The following ETV5 variants were observed in gnomAD, a reference collection of about 807,000 sequenced individuals.
ETV5 encodes ETS variant transcription factor 5, also known as ETS translocation variant 5.
A neutral mutation model predicts 70.0 loss-of-function variants in ETV5; 10 were observed. That is an observed-to-expected ratio of 0.14 (90% CI 0.09 to 0.24). The LOEUF (loss-of-function observed/expected upper bound fraction) is 0.24, where lower values mean the gene tolerates loss of function less well. Ranked by LOEUF, ETV5 falls within the 10% of genes least tolerant of loss-of-function variation. The pLI, the probability that ETV5 is intolerant of heterozygous loss-of-function variation, is 1.00. For synonymous variants in ETV5, 216 were observed against 242.2 expected (o/e 0.89, Z 1.01); for missense variants, 453 against 651.2 (o/e 0.70, Z 3.31).
rs1713897044 is a variant in ETV5 at position 186,080,141 on chromosome 3, A to G, written c.363-37T>C. ...AAAAGAGAAGGAACCATTAAGCTGAAATGAAGCCATTAGCATGGTTACCAG... is the reference window on the plus strand; with the variant it reads ...AAAAGAGAAGGAACCATTAAGCTGAGATGAAGCCATTAGCATGGTTACCAG... On this transcript the variant is annotated intron_variant, in intron 6 of 12. Transcript: ENST00000306376. 2.8e-6 allele frequency: 4 copies of G among 1,446,228 alleles called. No individual in the cohort carries two copies. The East Asian group carries it at 1.1e-4, about 38-fold the overall frequency. The allele number at this position is 1,446,228 out of a possible 1,614,324, so 89.6% of individuals were successfully genotyped here. A position where few individuals can be genotyped will look rare whatever the true frequency, so the allele number is the denominator to read the frequency against.
intron 9 of ETV5, among the ~76,000 whole-genome samples, chr3:186,062,325 C>T (rs979148948): frequency 1.3e-5 from 2 of 152,336 alleles, no homozygotes; most frequent in East Asian, 3.9e-4. Flanking sequence ...CATCTTTTCT[C>T]CTTTCTGAGT....
chr3:186,107,762 T>C (rs925266718), intron 1 of ETV5, among the ~76,000 whole-genome samples: 2 of 151,960 alleles, frequency 1.3e-5, no homozygotes, highest in East Asian at 3.9e-4. Context: ...GGCCCGGTTT[T>C]ATGAATGGGA....
At chr3:186,100,582 T>C (rs1052422876) in intron 5 of ETV5, among the ~76,000 whole-genome samples, 6 of 152,230 alleles carry the variant, frequency 3.9e-5, no homozygotes, top group African/African-American at 1.4e-4. Context: ...GTTAATCCTA[T>C]TTCCCCAGCC....
Position 186,101,950 on chromosome 3 carries a change from G to T in ETV5, c.232+3355C>A, listed in dbSNP as rs190546115. On this transcript the variant is annotated intron_variant, in intron 5 of 12. Transcript: ENST00000306376. Reference sequence around the variant, plus strand: ...TATAGATTTCTATTCCCTTGAATTTGACCTTTCAGAGTCTCCATGCTTTAC... The same window carrying T: ...TATAGATTTCTATTCCCTTGAATTTTACCTTTCAGAGTCTCCATGCTTTAC... 9.2e-5 allele frequency among the ~76,000 whole-genome samples: 14 copies of T among 152,308 alleles called. No homozygotes were observed. In the South Asian group the frequency reaches 2.1e-3, roughly 23 times the overall value.
intron 12 of ETV5, among the ~76,000 whole-genome samples, chr3:186,049,522 T>C (rs1217108024): frequency 6.6e-6 from 1 of 152,172 alleles, no homozygotes; most frequent in Non-Finnish European, 1.5e-5. Context: ...GGGATCACCT[T>C]CTCTCTGCTG....
chr3:186,048,420 G>T lies in ETV5; in HGVS notation c.*219C>A. 1.8e-6 allele frequency: 1 copy of T among 568,706 alleles called. No homozygotes were observed. Among genetic ancestry groups the T allele is most frequent in the East Asian group, 3.0e-5 (1 of 33,818 alleles). 35.2% of individuals were successfully genotyped at this position (568,706 alleles called of 1,614,324 possible). The stretch of plus-strand genomic sequence containing the variant: ...AACCTCATCAGAATCAAGAGTTGAG[G>T]CACTGGCCTTTTGGTGGTTTTCTGC... On this transcript the variant is annotated 3_prime_UTR_variant, in exon 13 of 13. Coordinates refer to ENST00000306376, the MANE Select transcript of ETV5 (RefSeq NM_004454.3).
intron 1 of ETV5, among the ~76,000 whole-genome samples, chr3:186,107,786 CCGCCA>C (rs1190937268): frequency 6.6e-6 from 1 of 152,002 alleles, no homozygotes; most frequent in East Asian, 1.9e-4. Context: ...CGAGCCGCGG[CCGCCA>C]CATCAGGTAG....
In ETV5 at chr3:186,052,908, T is replaced by A. The variant is rs1420565884; in HGVS notation, c.1210-777A>T. ...ATTATCACGGCAGCCAAGCAATTTCTGTTCTCAAGTATATCAGCTTCCAAA... is the reference window on the plus strand; with the variant it reads ...ATTATCACGGCAGCCAAGCAATTTCAGTTCTCAAGTATATCAGCTTCCAAA... On this transcript the variant is annotated intron_variant, in intron 11 of 12. Coordinates refer to ENST00000306376, the MANE Select transcript of ETV5 (RefSeq NM_004454.3). This position sits in a 1 kb window ranked among gnomAD's most constrained non-coding sequence, Gnocchi z 4.5. Among the ~76,000 whole-genome samples, 1 of 152,166 alleles carries A rather than the reference T, an allele frequency of 6.6e-6. No homozygotes were observed. Among genetic ancestry groups the A allele is most frequent in the Non-Finnish European group, 1.5e-5 (1 of 68,024 alleles).
rs1289130467 is a variant in ETV5, at chr3:186,047,775, CA to C, written c.*863del. 5 of 212,018 alleles carry C rather than the reference CA, an allele frequency of 2.4e-5. No individual in the cohort carries two copies. Among genetic ancestry groups the C allele is most frequent in the African/African-American group, 1.3e-4 (5 of 38,592 alleles). The allele number at this position is 212,018 out of a possible 1,614,324, so 13.1% of individuals were successfully genotyped here. ...GCTAAAGGACACAGTGCACAGTTACCAAAAGGTTTGTTTTTGTTTTTTGTTT... is the reference window on the plus strand; with the variant it reads ...GCTAAAGGACACAGTGCACAGTTACCAAAGGTTTGTTTTTGTTTTTTGTTT... On this transcript the variant is annotated 3_prime_UTR_variant, in exon 13 of 13. Coordinates refer to ENST00000306376, the MANE Select transcript of ETV5 (RefSeq NM_004454.3).
chr3:186,086,736 C>T (rs1001539927), intron 5 of ETV5, among the ~76,000 whole-genome samples: 9 of 151,212 alleles, frequency 6.0e-5, no homozygotes, highest in African/African-American at 1.7e-4. Context: ...TAGGGCAGAT[C>T]GCTTGAGCCC....
In ETV5 at chr3:186,057,349, AG is replaced by A. The variant is rs1254049900; in HGVS notation, c.1039+73del. 6.2e-7 allele frequency: 1 copy of A among 1,605,674 alleles called. No homozygotes were observed. Among genetic ancestry groups the A allele is most frequent in the Admixed American group, 1.7e-5 (1 of 59,800 alleles). On this transcript the variant is annotated intron_variant, in intron 10 of 12. Transcript: ENST00000306376. The surrounding 1 kb of genome is among the most constrained non-coding windows in gnomAD (Gnocchi z 4.9). ...GCTGATTTAATCACTGGACTTGGGA[AG>A]AGAGTCATGGCTGAGGTGTTCTGAC...
rs552851467 is a variant in ETV5 at position 186,052,487 on chromosome 3, G to A, written c.1210-356C>T. Among the ~76,000 whole-genome samples the A allele has an allele frequency of 6.6e-6, 1 of 152,278 alleles. No individual in the cohort carries two copies. Among genetic ancestry groups the A allele is most frequent in the South Asian group, 2.1e-4 (1 of 4,828 alleles). ...GTTGCCATTAAGTGCTATGGTTTCT[G>A]TAGCAGTCAATAAGGAATAATTAGA... On this transcript the variant is annotated intron_variant, in intron 11 of 12. Transcript: ENST00000306376. The surrounding 1 kb of genome is among the most constrained non-coding windows in gnomAD (Gnocchi z 4.5).
Position 186,048,680 on chromosome 3 carries a change from G to C in ETV5, c.1492C>G (p.Arg498Gly). 1 of 1,614,168 alleles carries C rather than the reference G, an allele frequency of 6.2e-7. No homozygotes were observed. Among genetic ancestry groups the C allele is most frequent in the Non-Finnish European group, 8.5e-7 (1 of 1,180,028 alleles). Reference protein sequence around the residue: ...DSPAYLLDMDRCSSLPYAEGF... With the variant: ...DSPAYLLDMDGCSSLPYAEGF... ...TCGGCATAGGGGAGGCTGCTGCAGC[G>C]GTCCATGTCCAGGAGGTAAGCGGGG... Residue 498 changes from arginine (R) to glycine (G), a missense_variant, in exon 13 of 13, where the codon CGC (arginine) becomes GGC (glycine). Physicochemically the swap from Arg to Gly is moderately radical, Grantham distance 125 (BLOSUM62 -2). Coordinates refer to ENST00000306376, the MANE Select transcript of ETV5 (RefSeq NM_004454.3).
intron 5 of ETV5, among the ~76,000 whole-genome samples, chr3:186,081,660 A>T (rs1292807246): frequency 6.6e-6 from 1 of 152,230 alleles, no homozygotes; most frequent in Non-Finnish European, 1.5e-5. Context: ...TAAATATAGA[A>T]TTTTTAAAAA....
intron 9 of ETV5, among the ~76,000 whole-genome samples, chr3:186,061,633 A>G (rs1713306640): frequency 6.6e-6 from 1 of 152,174 alleles, no homozygotes; most frequent in South Asian, 2.1e-4. Flanking sequence ...AAACTTCCCT[A>G]TTTCAATGTT....
intron 9 of ETV5, among the ~76,000 whole-genome samples, chr3:186,063,682 A>T (rs1713365160): frequency 6.6e-6 from 1 of 152,166 alleles, no homozygotes; most frequent in Admixed American, 6.5e-5. Context: ...GGTATTTTTT[A>T]AAAATCCAAT....
chr3:186,094,432 A>C (rs1052571531), intron 5 of ETV5, among the ~76,000 whole-genome samples: 1 of 152,210 alleles, frequency 6.6e-6, no homozygotes, highest in African/African-American at 2.4e-5. Flanking sequence ...TGCCAATGGT[A>C]GTAGAGTGAT....
In ETV5 at chr3:186,079,932, GGGGGGC is replaced by G; in HGVS notation, c.529_534del (p.Ala177_Pro178del). On this transcript the variant is annotated inframe_deletion, in exon 7 of 13. Coordinates refer to ENST00000306376, the MANE Select transcript of ETV5 (RefSeq NM_004454.3). ...TGTGGTCCAGGCTCTGGAAGCGAAT[GGGGGGC>G]GGGGGCGGGGCCCACACCTTGAACT... 6 of 1,604,992 alleles carry G rather than the reference GGGGGGC, an allele frequency of 3.7e-6. No homozygotes were observed. Among genetic ancestry groups the G allele is most frequent in the Non-Finnish European group, 5.1e-6 (6 of 1,174,412 alleles).
intron 7 of ETV5, among the ~76,000 whole-genome samples, chr3:186,069,501 G>GT (rs370864275): frequency 0.013 from 1,674 of 129,400 alleles, 16 homozygotes; most frequent in African/African-American, 0.03. Flanking sequence ...AGACGAAGTT[G>GT]TTTTTTTTTT....
Sources: gnomAD v4.1 joint callset for allele counts (sites outside exome capture counted in the v4.1 genomes callset) on GRCh38, gnomAD v4.1.1 for gene constraint, Gnocchi (gnomAD v3.1) non-coding constraint, MANE v1.5 for transcripts, NCBI Gene and HGNC (gene_info 2026-07-23, HGNC 2026-07-21) for gene names.